Variants in RAB28 observed in about 807,000 individuals in gnomAD.
The protein encoded by RAB28 is RAB28, member RAS oncogene family.
Under a neutral mutation model 31.7 loss-of-function variants are expected in RAB28, and 24 were observed. The ratio of observed to expected loss-of-function variants is 0.76; its 90% CI spans 0.55 to 1.06. RAB28 has a LOEUF of 1.06. RAB28 is among the 50% of genes least tolerant of loss of function. RAB28 has a pLI of 0.00. For synonymous variants in RAB28, 100 were observed against 90.4 expected (o/e 1.11, Z -0.60); for missense variants, 254 against 258.5 (o/e 0.98, Z 0.12).
intron 4 of RAB28, chr4:13,459,705 G>GA (rs1431474992): frequency 4.8e-5 from 46 of 962,480 alleles, no homozygotes; most frequent in East Asian, 2.3e-4. Context: ...TTATATTTCA[G>GA]AAAAAAAACA....
At chr4:13,395,043 T>C (rs181045151) in intron 4 of RAB28, among the ~76,000 whole-genome samples, 1 of 152,160 alleles carries the variant, frequency 6.6e-6, no homozygotes, top group South Asian at 2.1e-4. Flanking sequence ...ATTAGAACTA[T>C]GCTATCTGAT....
At chr4:13,449,699 C>CTTTTTTTTTTTTTT (rs1714866295) in intron 4 of RAB28, among the ~76,000 whole-genome samples, 1 of 151,816 alleles carries the variant, frequency 6.6e-6, no homozygotes, top group African/African-American at 2.4e-5. Context: ...AGTTATTAGT[C>CTTTTTTTTTTTTTT]TTTATTTGCA....
chr4:13,389,134 A>G (rs547002199), intron 4 of RAB28, among the ~76,000 whole-genome samples: 1 of 152,274 alleles, frequency 6.6e-6, no homozygotes, highest in African/African-American at 2.4e-5. Context: ...CTTAAAAAGA[A>G]AGGAAATCTT....
chr4:13,421,405 C>T (rs900289878), intron 4 of RAB28, among the ~76,000 whole-genome samples: 1 of 152,142 alleles, frequency 6.6e-6, no homozygotes, highest in Admixed American at 6.5e-5. Flanking sequence ...GAAAAAACTA[C>T]TTTAAAGTTC....
At chr4:13,388,549 T>C (rs1056547512) in intron 4 of RAB28, among the ~76,000 whole-genome samples, 4 of 151,986 alleles carry the variant, frequency 2.6e-5, no homozygotes, top group African/African-American at 4.8e-5. Flanking sequence ...AATTTTCGTG[T>C]ATCAAAGCAC....
chr4:13,407,392 T>C (rs1480832897), intron 4 of RAB28, among the ~76,000 whole-genome samples: 1 of 152,170 alleles, frequency 6.6e-6, no homozygotes, highest in Non-Finnish European at 1.5e-5. Flanking sequence ...CAGTACCACA[T>C]TGTTTTGGTT....
intron 4 of RAB28, among the ~76,000 whole-genome samples, chr4:13,414,438 T>C (rs1048622833): frequency 2.6e-5 from 4 of 152,142 alleles, no homozygotes; most frequent in African/African-American, 4.8e-5. Context: ...AATTCTCGTA[T>C]CAAAGGGGAA....
intron 6 of RAB28, among the ~76,000 whole-genome samples, chr4:13,369,670 T>C (rs1728641043): frequency 6.6e-6 from 1 of 152,114 alleles, no homozygotes; most frequent in South Asian, 2.1e-4. Flanking sequence ...TTATTTTAAT[T>C]TGTTCCCAAT....
Position 13,460,694 on chromosome 4 carries a change from C to T in RAB28, c.391+5G>A, listed in dbSNP as rs1450754337. ...ACCATACATAAACAAGCAGTAATAA[C>T]TTACTTTTATTGCCTACCAAGGCAA... On this transcript the variant is annotated splice_donor_5th_base_variant and intron_variant, in intron 4 of 6. Coordinates refer to ENST00000330852, the MANE Select transcript of RAB28 (RefSeq NM_001017979.3). 1 of 1,613,774 alleles carries T rather than the reference C, an allele frequency of 6.2e-7. No individual in the cohort carries two copies.
At chr4:13,477,443 G>A (rs1288176919) in intron 2 of RAB28, among the ~76,000 whole-genome samples, 2 of 151,462 alleles carry the variant, frequency 1.3e-5, no homozygotes, top group African/African-American at 2.4e-5. Flanking sequence ...TTCAGCTAAT[G>A]ATACATTAAT....
At chr4:13,396,517 AT>A (rs1729879563) in intron 4 of RAB28, among the ~76,000 whole-genome samples, 1 of 152,106 alleles carries the variant, frequency 6.6e-6, no homozygotes, top group Non-Finnish European at 1.5e-5. Context: ...ATGCAAGAAA[AT>A]AAAAAATTAG....
At chr4:13,374,273 T>C (rs1296848632) in intron 6 of RAB28, among the ~76,000 whole-genome samples, 1 of 152,270 alleles carries the variant, frequency 6.6e-6, no homozygotes, top group East Asian at 1.9e-4. Flanking sequence ...ACAAAGTAGA[T>C]GTGCAGGGAG....
intron 4 of RAB28, among the ~76,000 whole-genome samples, chr4:13,423,315 C>T (rs141831968): frequency 3.7e-4 from 57 of 152,060 alleles, no homozygotes; most frequent in Non-Finnish European, 7.4e-4. Flanking sequence ...GAGGGTGGAT[C>T]GCCTGAGGTG....
intron 4 of RAB28, among the ~76,000 whole-genome samples, chr4:13,415,728 G>A (rs537709505): frequency 6.6e-6 from 1 of 152,146 alleles, no homozygotes; most frequent in Non-Finnish European, 1.5e-5. Context: ...CTGCTCTACG[G>A]CGCCCGGTCC....
In RAB28 at chr4:13,422,979, C is replaced by A. The variant is rs1577199568; in HGVS notation, c.391+37720G>T. Among the ~76,000 whole-genome samples, 2 of 146,988 alleles carry A rather than the reference C, an allele frequency of 1.4e-5. 1 individual carries two copies. The highest frequency in any genetic ancestry group is 4.3e-4 in the South Asian group (2 of 4,652). Reference sequence around the variant, plus strand: ...TTTCATTTCAATGTAAATTTTACCTCAAAAAAAAAATTAAACTCTAAGTAA... The same window carrying A: ...TTTCATTTCAATGTAAATTTTACCTAAAAAAAAAAATTAAACTCTAAGTAA... On this transcript the variant is annotated intron_variant, in intron 4 of 6. Transcript: ENST00000330852.
intron 3 of RAB28, among the ~76,000 whole-genome samples, chr4:13,462,333 T>C (rs1048943236): frequency 6.6e-6 from 1 of 152,114 alleles, no homozygotes; most frequent in South Asian, 2.1e-4. Flanking sequence ...ATAAAACATT[T>C]CCACCATATA....
chr4:13,474,506 A>C (rs896619053), intron 2 of RAB28, 100 bp from the exon 3 acceptor site: 5 of 668,156 alleles, frequency 7.5e-6, no homozygotes, highest in Non-Finnish European at 1.2e-5. Context: ...TCACAATAAG[A>C]AACTCTGAGC....
At position 13,368,294 on chromosome 4, in the gene RAB28, C is replaced by T; in HGVS notation, c.*264G>A. 6 of 1,103,898 alleles carry T rather than the reference C, an allele frequency of 5.4e-6. No homozygotes were observed. The highest frequency in any genetic ancestry group is 6.6e-6 in the Non-Finnish European group (6 of 907,006). The allele number at this position is 1,103,898 out of a possible 1,614,324, so 68.4% of individuals were successfully genotyped here. A position where few individuals can be genotyped will look rare whatever the true frequency, so the allele number is the denominator to read the frequency against. The stretch of plus-strand genomic sequence containing the variant: ...GAAGCAAGGACATACAAAGAAACAA[C>T]ATCATTCTTTTGCAATGAAGCAGTC... On this transcript the variant is annotated 3_prime_UTR_variant, in exon 7 of 7. Coordinates refer to ENST00000330852, the MANE Select transcript of RAB28 (RefSeq NM_001017979.3).
At chr4:13,371,123 G>C in intron 6 of RAB28, 1 of 985,266 alleles carries the variant, frequency 1.0e-6, no homozygotes, top group South Asian at 4.7e-5. Context: ...ATAAACAATC[G>C]AGAGTAAATG....
Sources: gnomAD v4.1 joint callset for allele counts (sites outside exome capture counted in the v4.1 genomes callset) on GRCh38, gnomAD v4.1.1 for gene constraint, MANE v1.5 for transcripts, NCBI Gene and HGNC (gene_info 2026-07-23, HGNC 2026-07-21) for gene names.